BICD1: variants seen among roughly 807,000 people sequenced by gnomAD.
BICD1 encodes BICD cargo adaptor 1, also known as protein bicaudal D homolog 1.
Under a neutral mutation model 92.5 loss-of-function variants are expected in BICD1, and 35 were observed. The ratio of observed to expected loss-of-function variants is 0.38; its 90% CI spans 0.29 to 0.50. The LOEUF is 0.50. Among genes scored for constraint, BICD1 ranks in the 20% least tolerant of loss-of-function variants. The probability of loss-of-function intolerance (pLI) is 0.93; values close to 1 mark genes in which losing one functional copy is unlikely to be tolerated. For synonymous variants in BICD1, 429 were observed against 465.1 expected (o/e 0.92, Z 1.00); for missense variants, 950 against 1,189.8 (o/e 0.80, Z 2.97).
At chr12:32,129,378 AG>A (rs750510700) in intron 1 of BICD1, among the ~76,000 whole-genome samples, 185 of 151,816 alleles carry the variant, frequency 1.2e-3, no homozygotes, top group Non-Finnish European at 2.1e-3. Flanking sequence ...AAAAAAAATT[AG>A]CCAGGTATGG....
At chr12:32,294,789 T>C (rs2442063) in intron 3 of BICD1, among the ~76,000 whole-genome samples, 52,403 of 151,558 alleles carry the variant, frequency 0.35, 9,538 homozygotes, top group Non-Finnish European at 0.42. Context: ...AGCAAAATTA[T>C]AAGAAAAAGA....
chr12:32,120,075 G>C (rs934116491), intron 1 of BICD1, among the ~76,000 whole-genome samples: 1 of 152,094 alleles, frequency 6.6e-6, no homozygotes, highest in South Asian at 2.1e-4. Flanking sequence ...CTTGAGTACT[G>C]TTTAAAGTGT....
chr12:32,252,614 C>T (rs942516007), intron 2 of BICD1, among the ~76,000 whole-genome samples: 2 of 152,064 alleles, frequency 1.3e-5, no homozygotes, highest in African/African-American at 2.4e-5. Context: ...TAAGGGTAAG[C>T]TTTGTTAAAG....
At chr12:32,280,117 A>AATAAATAT (rs759760589) in intron 2 of BICD1, among the ~76,000 whole-genome samples, 1 of 149,182 alleles carries the variant, frequency 6.7e-6, no homozygotes, top group African/African-American at 2.5e-5. Context: ...TAAATAAATA[A>AATAAATAT]AAATAAAGTG....
At chr12:32,134,358 A>G (rs1380690366) in intron 1 of BICD1, among the ~76,000 whole-genome samples, 1 of 152,236 alleles carries the variant, frequency 6.6e-6, no homozygotes, top group East Asian at 1.9e-4. Context: ...TGATCTTTGT[A>G]TGAACAGAAA....
intron 2 of BICD1, among the ~76,000 whole-genome samples, chr12:32,263,356 C>T (rs1157165648): frequency 6.6e-6 from 1 of 151,836 alleles, no homozygotes; most frequent in African/African-American, 2.4e-5. Flanking sequence ...AGACCACTCT[C>T]GCCAAGATGG....
rs540135267 is a variant in BICD1, at chr12:32,107,160, T to G, written c.-172T>G. The G allele has an allele frequency of 3.2e-3, 2,081 of 648,398 alleles. 12 individuals carry two copies. Among genetic ancestry groups the G allele is most frequent in the Non-Finnish European group, 4.7e-3 (1,768 of 376,420 alleles). 40.2% of individuals were successfully genotyped at this position (648,398 alleles called of 1,614,324 possible). ...CATTTCTCGTCAGTTTCTCGGGCGG[T>G]GTAGCTGCCGCTGCCACCAGAGCCG... is the stretch of plus-strand genomic sequence containing the variant. On this transcript the variant is annotated 5_prime_UTR_variant, in exon 1 of 10. Transcript: ENST00000652176.
intron 2 of BICD1, among the ~76,000 whole-genome samples, chr12:32,257,374 T>A (rs998796720): frequency 1.3e-5 from 2 of 152,106 alleles, no homozygotes; most frequent in African/African-American, 4.8e-5. Context: ...ATAAAATATG[T>A]TATTTGTATT....
intron 9 of BICD1, among the ~76,000 whole-genome samples, chr12:32,372,935 G>T (rs1029964085): frequency 6.6e-6 from 1 of 152,152 alleles, no homozygotes; most frequent in African/African-American, 2.4e-5. Flanking sequence ...TAATTCCATT[G>T]TAGAGCTAAA....
Position 32,221,128 on chromosome 12 carries a change from G to T in BICD1, c.426+4669G>T, listed in dbSNP as rs375068687. Among the ~76,000 whole-genome samples the T allele has an allele frequency of 6.6e-4, 100 of 151,026 alleles. 3 individuals carry two copies. In the South Asian group the frequency reaches 0.02, roughly 31 times the overall value. On this transcript the variant is annotated intron_variant, in intron 2 of 9. Coordinates refer to ENST00000652176, the MANE Select transcript of BICD1 (RefSeq NM_001714.4). ...GGGAGGGGGAGGGATATCTTTAGGA[G>T]ATACACCTAATGCTAAATGACGAGT...
intron 8 of BICD1, among the ~76,000 whole-genome samples, chr12:32,364,172 C>T (rs1211335803): frequency 6.6e-6 from 1 of 152,198 alleles, no homozygotes; most frequent in Non-Finnish European, 1.5e-5. Flanking sequence ...AGTTTAGTAA[C>T]TTGACTGTTG....
chr12:32,116,407 C>G (rs1251710026), intron 1 of BICD1, among the ~76,000 whole-genome samples: 1 of 151,598 alleles, frequency 6.6e-6, no homozygotes, highest in Non-Finnish European at 1.5e-5. Context: ...AGATAGTCCA[C>G]CTTATTTTAG....
chr12:32,374,418 G>A (rs904735210), intron 9 of BICD1, among the ~76,000 whole-genome samples: 4 of 151,682 alleles, frequency 2.6e-5, no homozygotes, highest in Non-Finnish European at 5.9e-5. Context: ...AGCAGTCTAA[G>A]TCATGCATAT....
chr12:32,120,626 GAT>G (rs368967590), intron 1 of BICD1, among the ~76,000 whole-genome samples: 4 of 152,184 alleles, frequency 2.6e-5, no homozygotes, highest in African/African-American at 9.6e-5. Flanking sequence ...GGTTTTAGGA[GAT>G]ATCTTGAAGT....
chr12:32,195,571 A>T (rs909859673), intron 1 of BICD1, among the ~76,000 whole-genome samples: 1 of 152,238 alleles, frequency 6.6e-6, no homozygotes, highest in Non-Finnish European at 1.5e-5. Context: ...AAAACTGGAT[A>T]TCTATATGCA....
Position 32,122,356 on chromosome 12 carries a change from G to T in BICD1, c.213+14812G>T, listed in dbSNP as rs367662805. On this transcript the variant is annotated intron_variant, in intron 1 of 9. Coordinates refer to ENST00000652176, the MANE Select transcript of BICD1 (RefSeq NM_001714.4). ...TACAAAAAATTAGCCGGGCTTGGTGGTGGGCGCCTGTAGTCCCAGCTACTC... is the reference window on the plus strand; with the variant it reads ...TACAAAAAATTAGCCGGGCTTGGTGTTGGGCGCCTGTAGTCCCAGCTACTC... 4.6e-5 allele frequency among the ~76,000 whole-genome samples: 7 copies of T among 152,032 alleles called. No homozygotes were observed. In the South Asian group the frequency reaches 8.3e-4, roughly 18 times the overall value.
At position 32,306,079 on chromosome 12, in the gene BICD1, TG is replaced by T; in HGVS notation, c.963del (p.Asn322ThrfsTer8). ...CCTGTCTCTGACTTATTCAGTGAGC[TG>T]AACATTTCAGAAATACAGAAGTTGA... ...LNPVSDLFSE[L>X]NISEIQKLKQ... On this transcript the variant is annotated frameshift_variant, in exon 4 of 10. Coordinates refer to ENST00000652176, the MANE Select transcript of BICD1 (RefSeq NM_001714.4). LOFTEE classifies it high-confidence loss of function. 6.2e-7 allele frequency: 1 copy of T among 1,609,436 alleles called. No homozygotes were observed. The highest frequency in any genetic ancestry group is 8.5e-7 in the Non-Finnish European group (1 of 1,178,760).
chr12:32,324,830 G>A (rs1257809238), intron 4 of BICD1, among the ~76,000 whole-genome samples: 4 of 151,932 alleles, frequency 2.6e-5, no homozygotes, highest in Non-Finnish European at 4.4e-5. Flanking sequence ...CACCCACCTC[G>A]GCCTCCCAAA....
chr12:32,291,014 T>G (rs1947712248), intron 2 of BICD1, among the ~76,000 whole-genome samples: 1 of 152,260 alleles, frequency 6.6e-6, no homozygotes, highest in Admixed American at 6.5e-5. Context: ...TTACAGTGTC[T>G]GCCTATTTTA....
Sources: allele counts gnomAD v4.1 joint callset (sites outside exome capture counted in the v4.1 genomes callset), GRCh38; gene constraint gnomAD v4.1.1; transcripts MANE v1.5; gene names NCBI Gene and HGNC (gene_info 2026-07-23, HGNC 2026-07-21).